Variants in FYTTD1 observed in about 807,000 individuals in gnomAD.
The protein encoded by FYTTD1 is forty-two-three domain containing 1, also known as UAP56-interacting factor.
In FYTTD1, 22 loss-of-function variants were observed where a neutral mutation model predicts 40.9. The observed-to-expected ratio is 0.54, with a 90% confidence interval of 0.38 to 0.77. The LOEUF (loss-of-function observed/expected upper bound fraction) is 0.77. Among genes scored for constraint, FYTTD1 ranks in the 30% least tolerant of loss-of-function variants. The pLI, the probability that FYTTD1 is intolerant of heterozygous loss-of-function variation, is 0.00. For synonymous variants in FYTTD1, 140 were observed against 137.9 expected, an observed-to-expected ratio of 1.01 and a Z score of -0.10; for missense variants, 351 against 392.2, an observed-to-expected ratio of 0.90 and a Z score of 0.89.
chr3:197,757,790 G>A (rs912334083), intron 2 of FYTTD1, among the ~76,000 whole-genome samples: 2 of 152,118 alleles, frequency 1.3e-5, no homozygotes, highest in Non-Finnish European at 2.9e-5. Flanking sequence ...CTGAGATTGG[G>A]CCCTTAAAAA....
intron 1 of FYTTD1, 97 bp from the exon 2 acceptor site, chr3:197,756,324 TAGAAA>T: frequency 1.3e-6 from 1 of 797,528 alleles, no homozygotes; most frequent in South Asian, 1.7e-5. Context: ...GCTTTCAAAG[TAGAAA>T]AGAAGTTAGG....
chr3:197,765,386 A>G (rs943782486), intron 2 of FYTTD1, among the ~76,000 whole-genome samples: 1 of 152,196 alleles, frequency 6.6e-6, no homozygotes, highest in Non-Finnish European at 1.5e-5. Flanking sequence ...TACAAATTAT[A>G]GTACTCAGCA....
chr3:197,774,766 G>A (rs1226690275), intron 6 of FYTTD1, among the ~76,000 whole-genome samples: 1 of 149,570 alleles, frequency 6.7e-6, no homozygotes, highest in Non-Finnish European at 1.5e-5. Context: ...GAGCAGCATA[G>A]CTCGATGGCC....
At chr3:197,752,560 T>A (rs1238055515) in intron 1 of FYTTD1, among the ~76,000 whole-genome samples, 1 of 152,174 alleles carries the variant, frequency 6.6e-6, no homozygotes, top group East Asian at 1.9e-4. Flanking sequence ...ACACTGTATG[T>A]GTGTATGTAT....
At chr3:197,767,588 C>T (rs984502288) in intron 2 of FYTTD1, among the ~76,000 whole-genome samples, 4 of 152,068 alleles carry the variant, frequency 2.6e-5, no homozygotes, top group Non-Finnish European at 1.5e-5. Flanking sequence ...CCCCAGCCTC[C>T]TGAGTAGCTG....
In FYTTD1 at chr3:197,760,668, A is replaced by G. The variant is rs1729356608; in HGVS notation, c.235+4111A>G. On this transcript the variant is annotated intron_variant, in intron 2 of 8. Transcript: ENST00000241502. ...CAGTTGTTCTTCAGTGGTAGAACAT[A>G]TAGAGTTGTTCTTCAGTGGTATAAT... 2.6e-5 allele frequency among the ~76,000 whole-genome samples: 4 copies of G among 151,478 alleles called. No homozygotes were observed. In the South Asian group the frequency reaches 6.3e-4, roughly 24 times the overall value.
intron 6 of FYTTD1, among the ~76,000 whole-genome samples, chr3:197,775,728 A>G (rs926154847): frequency 3.9e-5 from 6 of 152,196 alleles, no homozygotes; most frequent in African/African-American, 1.4e-4. Context: ...AAACTGTGAA[A>G]CTGATACAGG....
intron 2 of FYTTD1, among the ~76,000 whole-genome samples, chr3:197,766,817 A>G (rs536473122): frequency 2.0e-5 from 3 of 152,176 alleles, no homozygotes; most frequent in Non-Finnish European, 2.9e-5. Flanking sequence ...GACTCAGTTC[A>G]CCTTCTACTA....
chr3:197,778,233 G>A, intron 7 of FYTTD1, 105 bp from the exon 8 acceptor site: 1 of 755,754 alleles, frequency 1.3e-6, no homozygotes, highest in South Asian at 3.0e-5. Context: ...AAATAAAATG[G>A]CCCTAATACA....
At chr3:197,778,917 C>T (rs946917661) in intron 8 of FYTTD1, among the ~76,000 whole-genome samples, 4 of 152,176 alleles carry the variant, frequency 2.6e-5, no homozygotes, top group African/African-American at 9.6e-5. Context: ...AGTAGAATTG[C>T]TAGGTTTATA....
chr3:197,749,956 C>T lies in FYTTD1; in HGVS notation c.-16C>T, dbSNP rs764316335. The T allele has an allele frequency of 5.8e-6, 9 of 1,546,454 alleles. No homozygotes were observed. The African/African-American group carries it at 1.1e-4, about 20-fold the overall frequency. Reference sequence around the variant, plus strand: ...CGGCCTTGTCCGCGCCCGCTCTCGGCGCGACGTCTCCAGCCATGAACCGGT... The same window carrying T: ...CGGCCTTGTCCGCGCCCGCTCTCGGTGCGACGTCTCCAGCCATGAACCGGT... On this transcript the variant is annotated 5_prime_UTR_variant, in exon 1 of 9. Coordinates refer to ENST00000241502, the MANE Select transcript of FYTTD1 (RefSeq NM_032288.7).
Position 197,782,951 on chromosome 3 carries a change from C to T in FYTTD1, c.*1042C>T, listed in dbSNP as rs971936966. On this transcript the variant is annotated 3_prime_UTR_variant, in exon 9 of 9. Transcript: ENST00000241502. ...TTGCTAAATTAAATAATTTATAGCTCCAAAAACAAAAATATACTTGTATAT... is the reference window on the plus strand; with the variant it reads ...TTGCTAAATTAAATAATTTATAGCTTCAAAAACAAAAATATACTTGTATAT... 1 of 152,094 alleles carries T rather than the reference C, an allele frequency of 6.6e-6. No individual in the cohort carries two copies. Among genetic ancestry groups the T allele is most frequent in the Non-Finnish European group, 1.5e-5 (1 of 67,952 alleles). The allele number at this position is 152,094 out of a possible 1,614,324, so 9.4% of individuals were successfully genotyped here.
intron 6 of FYTTD1, among the ~76,000 whole-genome samples, chr3:197,776,380 ATTTGTT>A (rs1464604330): frequency 2.6e-5 from 3 of 117,568 alleles, no homozygotes; most frequent in South Asian, 3.0e-4. Context: ...CCCAGCTTAA[ATTTGTT>A]TTTTTTTTTT....
intron 2 of FYTTD1, among the ~76,000 whole-genome samples, chr3:197,766,102 G>A (rs1414771314): frequency 1.3e-5 from 2 of 151,456 alleles, no homozygotes; most frequent in African/African-American, 2.4e-5. Context: ...GGTGGAGGTT[G>A]CAGTGAGCTG....
chr3:197,781,254 C>T (rs1291292447), intron 8 of FYTTD1, among the ~76,000 whole-genome samples: 4 of 151,082 alleles, frequency 2.6e-5, no homozygotes, highest in African/African-American at 9.8e-5. Flanking sequence ...GCGGAAGTTG[C>T]AATGAGCTGA....
At chr3:197,759,388 A>G (rs1729303190) in intron 2 of FYTTD1, among the ~76,000 whole-genome samples, 1 of 151,962 alleles carries the variant, frequency 6.6e-6, no homozygotes, top group Admixed American at 6.6e-5. Context: ...CTTCAGTGGT[A>G]GAACGTATAG....
chr3:197,777,197 C>T (rs1466345519), intron 7 of FYTTD1, among the ~76,000 whole-genome samples, 196 bp downstream of exon 7: 1 of 152,108 alleles, frequency 6.6e-6, no homozygotes, highest in African/African-American at 2.4e-5. Flanking sequence ...ATTCTGCAGC[C>T]CTAAATGACC....
At chr3:197,751,743 T>C (rs1295713924) in intron 1 of FYTTD1, among the ~76,000 whole-genome samples, 1 of 151,984 alleles carries the variant, frequency 6.6e-6, no homozygotes, top group Non-Finnish European at 1.5e-5. Context: ...GGTCCTGTAC[T>C]AAGCATTTTA....
chr3:197,774,025 C>T (rs536127522), intron 5 of FYTTD1, 124 bp from the exon 6 acceptor site: 16 of 777,180 alleles, frequency 2.1e-5, no homozygotes, highest in African/African-American at 6.9e-5. Flanking sequence ...TGTAGAATAG[C>T]GCAGGCACCT....
Sources: allele counts gnomAD v4.1 joint callset (sites outside exome capture counted in the v4.1 genomes callset), GRCh38; gene constraint gnomAD v4.1.1; transcripts MANE v1.5; gene names NCBI Gene and HGNC (gene_info 2026-07-23, HGNC 2026-07-21).